B4GALNT4: variants seen among roughly 807,000 people sequenced by gnomAD.
The protein encoded by B4GALNT4 is N-acetyl-beta-glucosaminyl-glycoprotein 4-beta-N-acetylgalactosaminyltransferase 1.
In B4GALNT4, 77 loss-of-function variants were observed where a neutral mutation model predicts 110.0. That is an observed-to-expected ratio of 0.70 (90% CI 0.58 to 0.85). B4GALNT4 has a LOEUF of 0.85. Among genes scored for constraint, B4GALNT4 ranks in the 40% least tolerant of loss-of-function variants. B4GALNT4 has a pLI of 0.00. For missense variants in B4GALNT4, 1,575 were observed against 1,506.0 expected, an observed-to-expected ratio of 1.05 and a Z score of -0.76; for synonymous variants, 785 against 655.5, an observed-to-expected ratio of 1.20 and a Z score of -3.02.
In B4GALNT4 at chr11:379,567, G is replaced by A; in HGVS notation, c.2354G>A (p.Arg785His). 1 of 1,586,896 alleles carries A rather than the reference G, an allele frequency of 6.3e-7. No individual in the cohort carries two copies. Among genetic ancestry groups the A allele is most frequent in the Non-Finnish European group, 8.6e-7 (1 of 1,168,628 alleles). ...EYVFLRLPGARVGDADGESPE... is the reference protein window; with the variant it reads ...EYVFLRLPGAHVGDADGESPE... The stretch of plus-strand genomic sequence containing the variant: ...GTCTTCCTGCGGCTGCCGGGAGCCC[G>A]CGTAGGGGATGCAGACGGAGAAAGT... Residue 785 changes from arginine (R) to histidine (H), a missense_variant, in exon 15 of 20, where the codon CGC becomes CAC. By Grantham distance (29) the Arg-to-His change is conservative. Coordinates refer to ENST00000329962, the MANE Select transcript of B4GALNT4 (RefSeq NM_178537.5).
At chr11:375,382 C>T (rs1455251157) in intron 8 of B4GALNT4, 79 bp from the exon 9 acceptor site, 12 of 1,460,914 alleles carry the variant, frequency 8.2e-6, no homozygotes, top group East Asian at 2.3e-5. Flanking sequence ...AGTCCCCCGG[C>T]CCTGAGCCAG....
intron 1 of B4GALNT4, 28 bp downstream of exon 1, chr11:369,982 GGGGGGC>G: frequency 4.4e-6 from 2 of 454,200 alleles, no homozygotes; most frequent in East Asian, 1.7e-4. Context: ...CGGGGGGCGC[GGGGGGC>G]GGGGGCGGCG....
rs765930777 is a variant in B4GALNT4, at chr11:373,565, G to A, written c.704+49G>A. ...GCGTGCACTTGTGTATTCGTGGGAG[G>A]GGGTTACGCGCTGTCTCCTTATCCT... On this transcript the variant is annotated intron_variant, in intron 7 of 19. Transcript: ENST00000329962. The A allele has an allele frequency of 2.5e-6, 4 of 1,588,580 alleles. No individual in the cohort carries two copies. In the South Asian group the frequency reaches 3.3e-5, roughly 13 times the overall value.
intron 8 of B4GALNT4, 118 bp downstream of exon 8, chr11:373,946 G>A: frequency 9.7e-7 from 1 of 1,032,412 alleles, no homozygotes. Flanking sequence ...AGGGCCATGG[G>A]CCTGAGGTCA....
chr11:369,999 CGGGGGGCGCG>C (rs1208974910), intron 1 of B4GALNT4, 45 bp downstream of exon 1: 23 of 54,210 alleles, frequency 4.2e-4, no homozygotes, highest in Admixed American at 3.9e-3. Context: ...GGGGGCGGCG[CGGGGGGCGCG>C]GGGGGCGCGG....
In B4GALNT4 at chr11:372,702, C is replaced by A; in HGVS notation, c.296C>A (p.Ala99Asp). 1 of 1,610,196 alleles carries A rather than the reference C, an allele frequency of 6.2e-7. No homozygotes were observed. Among genetic ancestry groups the A allele is most frequent in the East Asian group, 2.2e-5 (1 of 44,758 alleles). Residue 99 changes from alanine (A) to aspartate (D), a missense_variant, in exon 3 of 20, where the codon GCT becomes GAT. Transcript: ENST00000329962. ...CTAGACATGCTGTTTCCTGGGGGGG[C>A]TGGGAGGCTGCCACTGAACTTCACC... is the stretch of plus-strand genomic sequence containing the variant. ...RDLDMLFPGG[A>D]GRLPLNFTHQ...
rs779965005 is a variant in B4GALNT4, at chr11:373,764, G to A, written c.719G>A (p.Arg240Gln). ...VSKPRRLMAS[R>Q]RYYFELLHKQ... ...CGTGTCCCCAGGCTCATGGCCTCCC[G>A]GAGGTACTACTTTGAGTTGCTGCAC... Residue 240 changes from arginine to glutamine, a missense_variant, in exon 8 of 20, where the codon CGG becomes CAG. Arg to Gln is a conservative substitution (Grantham distance 43, BLOSUM62 1). Coordinates refer to ENST00000329962, the MANE Select transcript of B4GALNT4 (RefSeq NM_178537.5). 76 of 1,612,246 alleles carry A rather than the reference G, an allele frequency of 4.7e-5. No homozygotes were observed. In the East Asian group the frequency reaches 5.4e-4, roughly 11 times the overall value.
rs1590334106 is a variant in B4GALNT4 at position 372,188 on chromosome 11, T to C, written c.231T>C (p.Ser77=). Residue 77 remains serine (S), a synonymous_variant, in exon 2 of 20, where the codon AGT becomes AGC. Coordinates refer to ENST00000329962, the MANE Select transcript of B4GALNT4 (RefSeq NM_178537.5). ...APSTQRAEDS[S]ESREEEQAPE... ...CCACACAGAGGGCTGAGGACTCCAGTGAGAGCCGTGAAGAGGAGCAAGCGG... is the reference window on the plus strand; with the variant it reads ...CCACACAGAGGGCTGAGGACTCCAGCGAGAGCCGTGAAGAGGAGCAAGCGG... 6.5e-7 allele frequency: 1 copy of C among 1,550,006 alleles called. No homozygotes were observed. Among genetic ancestry groups the C allele is most frequent in the Non-Finnish European group, 8.7e-7 (1 of 1,146,800 alleles).
intron 14 of B4GALNT4, among the ~76,000 whole-genome samples, chr11:379,114 A>G (rs1846818364): frequency 1.3e-5 from 2 of 152,206 alleles, no homozygotes; most frequent in Admixed American, 6.5e-5. Context: ...GCAAGGGGGT[A>G]ACAGGACAGG....
chr11:375,618 C>G (rs368798406), intron 9 of B4GALNT4, 21 bp from the exon 10 acceptor site: 71 of 1,594,160 alleles, frequency 4.5e-5, no homozygotes, highest in Non-Finnish European at 5.9e-5. Context: ...TGAGCACTCC[C>G]TGGAACTCTT....
intron 11 of B4GALNT4, 39 bp downstream of exon 11, chr11:375,995 C>A: frequency 6.2e-7 from 1 of 1,605,628 alleles, no homozygotes; most frequent in Non-Finnish European, 8.5e-7. Flanking sequence ...GTCCGGGACT[C>A]CGCGGAGCCT....
intron 19 of B4GALNT4, chr11:381,268 C>A (rs1846870188): frequency 2.0e-6 from 1 of 489,562 alleles, no homozygotes; most frequent in South Asian, 8.7e-5. Context: ...CCCTGACACC[C>A]CCAGCCCCTG....
chr11:376,969 T>G lies in B4GALNT4; in HGVS notation c.1846T>G (p.Ser616Ala). 1 of 1,456,498 alleles carries G rather than the reference T, an allele frequency of 6.9e-7. No individual in the cohort carries two copies. The highest frequency in any genetic ancestry group is 1.4e-5 in the South Asian group (1 of 70,228). The allele number at this position is 1,456,498 out of a possible 1,614,324, so 90.2% of individuals were successfully genotyped here. ...TLGPAAPTVD[S>A]NLSSEARPVT... ...GGGACCTGCGGCGCCCACAGTGGAC[T>G]CAAACTTGTCCTCCGAAGCGCGGCC... is the stretch of plus-strand genomic sequence containing the variant. The change falls in exon 14 of 20, where the codon TCA (serine) becomes GCA (alanine). Residue 616 changes from serine to alanine, a missense_variant. By Grantham distance (99) the Ser-to-Ala change is moderately conservative. Transcript: ENST00000329962.
Position 375,448 on chromosome 11 carries a change from C to G in B4GALNT4, c.784-13C>G. ...CCGCCCTGTCCCTGACCCCCACCCT[C>G]TCTGCCCCGCAGTGGCGAGCTTTCC... On this transcript the variant is annotated splice_polypyrimidine_tract_variant and intron_variant, in intron 8 of 19. Coordinates refer to ENST00000329962, the MANE Select transcript of B4GALNT4 (RefSeq NM_178537.5). The G allele has an allele frequency of 6.2e-7, 1 of 1,611,424 alleles. No individual in the cohort carries two copies. Among genetic ancestry groups the G allele is most frequent in the Non-Finnish European group, 8.5e-7 (1 of 1,179,762 alleles).
chr11:379,377 G>A, intron 14 of B4GALNT4, 41 bp from the exon 15 acceptor site: 1 of 1,436,470 alleles, frequency 7.0e-7, no homozygotes, highest in Non-Finnish European at 9.1e-7. Flanking sequence ...GCGGGGTGCA[G>A]GCTGGAAGCC....
intron 14 of B4GALNT4, 114 bp downstream of exon 14, chr11:377,441 C>T (rs1846782707): frequency 2.5e-6 from 3 of 1,194,400 alleles, no homozygotes; most frequent in South Asian, 1.9e-5. Flanking sequence ...CAGTGGTGTA[C>T]CGGCCTGGGG....
Position 375,732 on chromosome 11 carries a change from C to A in B4GALNT4, c.944C>A (p.Ala315Glu). 1 of 1,596,960 alleles carries A rather than the reference C, an allele frequency of 6.3e-7. No homozygotes were observed. Among genetic ancestry groups the A allele is most frequent in the Admixed American group, 1.7e-5 (1 of 59,770 alleles). Reference sequence around the variant, plus strand: ...CGTCCGCCGCAGGAGGAGACCAGCGCAGACATGCTGCGGCCAGATCCCAGG... The same window carrying A: ...CGTCCGCCGCAGGAGGAGACCAGCGAAGACATGCTGCGGCCAGATCCCAGG... ...GGRPPQEETS[A>E]DMLRPDPRDT... Residue 315 changes from alanine to glutamate, a missense_variant, in exon 10 of 20, where the codon GCA (alanine) becomes GAA (glutamate). Coordinates refer to ENST00000329962, the MANE Select transcript of B4GALNT4 (RefSeq NM_178537.5).
chr11:380,528 C>T, intron 18 of B4GALNT4, 83 bp downstream of exon 18: 1 of 1,512,284 alleles, frequency 6.6e-7, no homozygotes, highest in Non-Finnish European at 8.9e-7. Flanking sequence ...GGGCCTCTCT[C>T]AATTCCCAGG....
chr11:377,175 C>G lies in B4GALNT4; in HGVS notation c.2052C>G (p.Arg684=), dbSNP rs1433261427. ...GTGAGGACGCCATCGACTGGCAGCG[C>G]ACGTTCAGCGTGGGCGCCGTGGACT... ...RWREDAIDWQ[R]TFSVGAVDFE... is the part of the protein sequence containing the mutation. Residue 684 remains arginine (R), a synonymous_variant, in exon 14 of 20, where the codon CGC becomes CGG. Transcript: ENST00000329962. 6.4e-7 allele frequency: 1 copy of G among 1,572,238 alleles called. No homozygotes were observed.
Sources: gnomAD v4.1 joint callset for allele counts (sites outside exome capture counted in the v4.1 genomes callset) on GRCh38, gnomAD v4.1.1 for gene constraint, MANE v1.5 for transcripts, NCBI Gene and HGNC (gene_info 2026-07-23, HGNC 2026-07-21) for gene names.